Variants in MYRIP observed in about 807,000 individuals in gnomAD.
The protein encoded by MYRIP is myosin VIIA and Rab interacting protein.
MYRIP carries 49 observed loss-of-function variants against 98.0 expected under a neutral mutation model. The ratio of observed to expected loss-of-function variants is 0.50; its 90% CI spans 0.40 to 0.63. The LOEUF is 0.63. Ranked by LOEUF, MYRIP falls within the 30% of genes least tolerant of loss-of-function variation. The pLI, the probability that MYRIP is intolerant of heterozygous loss-of-function variation, is 0.00. For synonymous variants in MYRIP, 404 were observed against 409.5 expected, an observed-to-expected ratio of 0.99 and a Z score of 0.16; for missense variants, 1,004 against 1,058.2, an observed-to-expected ratio of 0.95 and a Z score of 0.71.
chr3:39,950,468 AT>A (rs1252150004), intron 2 of MYRIP, among the ~76,000 whole-genome samples: 2 of 152,094 alleles, frequency 1.3e-5, no homozygotes, highest in African/African-American at 2.4e-5. Context: ...CCTTTGCTGC[AT>A]CTGATTATGC....
chr3:39,999,472 G>A (rs1946459686), intron 2 of MYRIP, among the ~76,000 whole-genome samples: 1 of 152,172 alleles, frequency 6.6e-6, no homozygotes, highest in Non-Finnish European at 1.5e-5. Context: ...AAACCACAAT[G>A]AGATACCATC....
At chr3:39,980,945 A>T (rs547406904) in intron 2 of MYRIP, among the ~76,000 whole-genome samples, 1 of 152,286 alleles carries the variant, frequency 6.6e-6, no homozygotes, top group South Asian at 2.1e-4. Flanking sequence ...CAAGACGAAG[A>T]GAATTATGGA....
At chr3:39,970,117 A>G (rs749040761) in intron 2 of MYRIP, 3 of 151,946 alleles carry the variant, frequency 2.0e-5, no homozygotes, top group African/African-American at 4.8e-5. Flanking sequence ...ACTCTTAACA[A>G]TAGATGGAGC....
At chr3:39,831,582 A>C (rs1191070625) in intron 1 of MYRIP, among the ~76,000 whole-genome samples, 1 of 152,080 alleles carries the variant, frequency 6.6e-6, no homozygotes. Flanking sequence ...TCTGGTGCAT[A>C]TTTTTCAATC....
intron 8 of MYRIP, 112 bp from the exon 9 acceptor site, chr3:40,182,108 C>T: frequency 8.5e-7 from 1 of 1,182,024 alleles, no homozygotes; most frequent in Non-Finnish European, 1.2e-6. Flanking sequence ...GAGCCATTAC[C>T]ATTAAACATG....
chr3:40,011,528 C>T (rs1361169552), intron 2 of MYRIP, among the ~76,000 whole-genome samples: 2 of 152,332 alleles, frequency 1.3e-5, no homozygotes, highest in East Asian at 3.9e-4. Context: ...TTGAGCTTCT[C>T]TGTCTTCTTC....
At chr3:39,859,477 C>T (rs963983069) in intron 1 of MYRIP, among the ~76,000 whole-genome samples, 1 of 152,184 alleles carries the variant, frequency 6.6e-6, no homozygotes, top group East Asian at 1.9e-4. Flanking sequence ...CCTTCTCAAA[C>T]TCTTCTGAAA....
At chr3:39,992,345 T>A (rs115986284) in intron 2 of MYRIP, among the ~76,000 whole-genome samples, 1 of 152,294 alleles carries the variant, frequency 6.6e-6, no homozygotes, top group African/African-American at 2.4e-5. Flanking sequence ...CCTCTGGAGC[T>A]CACTGTCATC....
At chr3:40,213,359 T>C (rs950171175) in intron 11 of MYRIP, among the ~76,000 whole-genome samples, 2 of 152,226 alleles carry the variant, frequency 1.3e-5, no homozygotes, top group Admixed American at 1.3e-4. Flanking sequence ...ATCTTAATTA[T>C]TGTAGCTTTA....
At chr3:39,848,902 GAA>G (rs750639288) in intron 1 of MYRIP, among the ~76,000 whole-genome samples, 1 of 151,682 alleles carries the variant, frequency 6.6e-6, no homozygotes, top group Non-Finnish European at 1.5e-5. Flanking sequence ...GGAGGAGTTG[GAA>G]AAAAAAGAGC....
intron 16 of MYRIP, among the ~76,000 whole-genome samples, chr3:40,257,229 C>T (rs954019892): frequency 6.6e-6 from 1 of 152,008 alleles, no homozygotes; most frequent in Admixed American, 6.6e-5. Context: ...GAGGCTAAGG[C>T]GGGGATCCCC....
intron 11 of MYRIP, among the ~76,000 whole-genome samples, chr3:40,214,772 A>C (rs1321273381): frequency 6.6e-6 from 1 of 152,174 alleles, no homozygotes; most frequent in African/African-American, 2.4e-5. Flanking sequence ...CAGCCATGCC[A>C]ATGGTTCTGG....
chr3:40,221,407 T>C (rs1952333638), intron 11 of MYRIP, among the ~76,000 whole-genome samples: 1 of 152,206 alleles, frequency 6.6e-6, no homozygotes, highest in Non-Finnish European at 1.5e-5. Flanking sequence ...AAGGCAAGCA[T>C]ATCGCTTGGG....
chr3:39,909,217 C>T (rs1412839155), intron 2 of MYRIP, among the ~76,000 whole-genome samples: 1 of 152,012 alleles, frequency 6.6e-6, no homozygotes, highest in African/African-American at 2.4e-5. Flanking sequence ...GTGCGCAGGC[C>T]GCAGAAAGGA....
chr3:39,953,281 A>G (rs1041218110), intron 2 of MYRIP, among the ~76,000 whole-genome samples: 2 of 152,152 alleles, frequency 1.3e-5, no homozygotes, highest in Non-Finnish European at 2.9e-5. Flanking sequence ...ACTTGAATAA[A>G]TGCTTCTCAA....
chr3:39,848,290 T>C (rs770403654), intron 1 of MYRIP, among the ~76,000 whole-genome samples: 22 of 152,372 alleles, frequency 1.4e-4, no homozygotes, highest in Admixed American at 7.2e-4. Flanking sequence ...TGAATGATTG[T>C]ACTGTATTTG....
chr3:39,831,401 T>C (rs1201256212), intron 1 of MYRIP, among the ~76,000 whole-genome samples: 4 of 152,160 alleles, frequency 2.6e-5, no homozygotes, highest in African/African-American at 9.7e-5. Context: ...TGCTCTTCCC[T>C]CCAAAACTGT....
chr3:40,020,885 C>T lies in MYRIP; in HGVS notation c.111-23165C>T, dbSNP rs1946976971. On this transcript the variant is annotated intron_variant, in intron 2 of 16. Transcript: ENST00000302541. ...ACAAGCTTCAGTTCTGGAAGCTGTG[C>T]AAGTGAAGGGATTCCACCAGGCCCC... Among the ~76,000 whole-genome samples, 5 of 152,170 alleles carry T rather than the reference C, an allele frequency of 3.3e-5. No homozygotes were observed. In the South Asian group the frequency reaches 1.0e-3, roughly 32 times the overall value.
At chr3:40,025,018 C>CA (rs926088906) in intron 2 of MYRIP, among the ~76,000 whole-genome samples, 9 of 152,082 alleles carry the variant, frequency 5.9e-5, no homozygotes, top group African/African-American at 2.2e-4. Flanking sequence ...CCTTCTTTGC[C>CA]AAAAAAAGAA....
Sources: allele counts gnomAD v4.1 joint callset (sites outside exome capture counted in the v4.1 genomes callset), GRCh38; gene constraint gnomAD v4.1.1; transcripts MANE v1.5; gene names NCBI Gene and HGNC (gene_info 2026-07-23, HGNC 2026-07-21).